The following HSPG2 variants were observed in gnomAD, a reference collection of about 807,000 sequenced individuals.
The protein encoded by HSPG2 is heparan sulfate proteoglycan 2.
A neutral mutation model predicts 526.6 loss-of-function variants in HSPG2; 278 were observed. The ratio of observed to expected loss-of-function variants is 0.53; its 90% CI spans 0.48 to 0.58. The LOEUF (loss-of-function observed/expected upper bound fraction) is 0.58, where lower values mean the gene tolerates loss of function less well. HSPG2 is among the 20% of genes least tolerant of loss of function. The pLI, the probability that HSPG2 is intolerant of heterozygous loss-of-function variation, is 0.00. For missense variants in HSPG2, 5,354 were observed against 6,099.5 expected, an observed-to-expected ratio of 0.88 and a Z score of 4.07; for synonymous variants, 2,465 against 2,555.4, an observed-to-expected ratio of 0.96 and a Z score of 1.07.
intron 1 of HSPG2, among the ~76,000 whole-genome samples, chr1:21,935,623 T>C (rs1185664729): frequency 2.0e-5 from 3 of 152,218 alleles, no homozygotes; most frequent in African/African-American, 4.8e-5. Context: ...AAATTCCTCA[T>C]GCACACAGCA....
intron 84 of HSPG2, 44 bp from the exon 85 acceptor site, chr1:21,831,134 C>T (rs748717962): frequency 1.2e-6 from 2 of 1,602,374 alleles, no homozygotes; most frequent in South Asian, 1.1e-5. Flanking sequence ...CATTCAGTAC[C>T]CCCCATAATC....
intron 22 of HSPG2, 32 bp from the exon 23 acceptor site, chr1:21,876,437 C>T: frequency 6.2e-7 from 1 of 1,610,874 alleles, no homozygotes; most frequent in South Asian, 1.1e-5. Flanking sequence ...GGGATGGGGG[C>T]CGTGGCCTGG....
rs1251550877 is a variant in HSPG2 at position 21,822,382 on chromosome 1, G to T, written c.*934C>A. 1 of 681,802 alleles carries T rather than the reference G, an allele frequency of 1.5e-6. No individual in the cohort carries two copies. Among genetic ancestry groups the T allele is most frequent in the South Asian group, 1.7e-5 (1 of 58,622 alleles). 42.2% of individuals were successfully genotyped at this position (681,802 alleles called of 1,614,324 possible). On this transcript the variant is annotated 3_prime_UTR_variant, in exon 97 of 97. Transcript: ENST00000374695. ...GATGGCACTTGAGCTGGATCTTCAG[G>T]CTCCTGCAGATGGGGCAGGGTGGTC...
chr1:21,925,852 C>A (rs1048232342), intron 1 of HSPG2, among the ~76,000 whole-genome samples: 8 of 152,078 alleles, frequency 5.3e-5, no homozygotes, highest in Admixed American at 5.2e-4. Context: ...AAGGGCCAGC[C>A]ATTCCCTCTA....
At chr1:21,849,603 C>A (rs1051669178) in intron 57 of HSPG2, among the ~76,000 whole-genome samples, 2 of 152,098 alleles carry the variant, frequency 1.3e-5, no homozygotes, top group African/African-American at 4.8e-5. Context: ...AATCAAGTGA[C>A]AAGTGACTGG....
intron 13 of HSPG2, among the ~76,000 whole-genome samples, chr1:21,882,235 T>C (rs962321289): frequency 5.3e-5 from 8 of 152,084 alleles, no homozygotes; most frequent in African/African-American, 1.9e-4. Context: ...AGTCCAGGTG[T>C]GTTGTAAGCC....
At chr1:21,927,536 C>A (rs1002088655) in intron 1 of HSPG2, among the ~76,000 whole-genome samples, 1 of 152,040 alleles carries the variant, frequency 6.6e-6, no homozygotes, top group Admixed American at 6.5e-5. Context: ...ATCCCCCACC[C>A]CCCCCACTGT....
intron 49 of HSPG2, 116 bp downstream of exon 49, chr1:21,854,495 T>G: frequency 1.4e-6 from 2 of 1,455,320 alleles, no homozygotes; most frequent in Non-Finnish European, 1.9e-6. Context: ...AGGCCTGGCT[T>G]CTGCTGGTGG....
Position 21,857,365 on chromosome 1 carries a change from T to A in HSPG2, c.5314A>T (p.Thr1772Ser). Residue 1772 changes from threonine (T) to serine (S), a missense_variant, in exon 43 of 97, where the codon ACA becomes TCA. Transcript: ENST00000374695. ...CTCCGCTGCTCCTCCACAGTCACTG[T>A]GATGGGCTTGCTTGGAGCCTCTGCA... ...LVTEAPSKPI[T>S]VTVEEQRSQS... 1 of 1,613,960 alleles carries A rather than the reference T, an allele frequency of 6.2e-7. No homozygotes were observed. The highest frequency in any genetic ancestry group is 8.5e-7 in the Non-Finnish European group (1 of 1,180,012).
At chr1:21,829,638 G>C (rs1215286975) in intron 86 of HSPG2, 34 bp from the exon 87 acceptor site, 1 of 1,564,914 alleles carries the variant, frequency 6.4e-7, no homozygotes. Context: ...AGGCAGTGGG[G>C]ATCCTGGACC....
chr1:21,932,257 T>A (rs1018549970), intron 1 of HSPG2, among the ~76,000 whole-genome samples: 10 of 152,304 alleles, frequency 6.6e-5, no homozygotes, highest in Admixed American at 3.9e-4. Context: ...ATCTACTGAC[T>A]GCCCACGACA....
At chr1:21,923,378 C>A (rs1006104743) in intron 1 of HSPG2, among the ~76,000 whole-genome samples, 2 of 152,018 alleles carry the variant, frequency 1.3e-5, no homozygotes, top group African/African-American at 4.8e-5. Context: ...TGCACCCCAG[C>A]CTGGGCGACA....
chr1:21,823,650 G>T lies in HSPG2; in HGVS notation c.12969C>A (p.Asn4323Lys). The T allele has an allele frequency of 6.2e-7, 1 of 1,613,774 alleles. No individual in the cohort carries two copies. Among genetic ancestry groups the T allele is most frequent in the Non-Finnish European group, 8.5e-7 (1 of 1,179,986 alleles). Residue 4323 changes from asparagine to lysine, a missense_variant, in exon 96 of 97, where the codon AAC becomes AAA. Transcript: ENST00000374695. The stretch of plus-strand genomic sequence containing the variant: ...CGCTGCCCTTGGCGTTGACTGCCAC[G>T]TTGGGACCTGGGGACCGGCCGCTGA... ...ELVSGRSPGP[N>K]VAVNAKGSVY...
chr1:21,884,434 T>C (rs1641722848), intron 13 of HSPG2, 94 bp downstream of exon 13: 1 of 1,520,690 alleles, frequency 6.6e-7, no homozygotes, highest in Non-Finnish European at 9.1e-7. Context: ...TCCCGAAACC[T>C]GGCCCCCTCT....
intron 85 of HSPG2, 143 bp downstream of exon 85, chr1:21,830,839 T>A (rs1234815128): frequency 9.2e-6 from 6 of 651,904 alleles, no homozygotes; most frequent in South Asian, 7.0e-5. Flanking sequence ...GGGGGATGGG[T>A]ACATGGGAGG....
intron 1 of HSPG2, 67 bp downstream of exon 1, chr1:21,937,088 C>G (rs1387620880): frequency 1.9e-6 from 1 of 534,924 alleles, no homozygotes; most frequent in Non-Finnish European, 2.5e-6. Context: ...CGGGAGGCGG[C>G]GAGCGGGACC....
chr1:21,865,303 G>A lies in HSPG2; in HGVS notation c.4377C>T (p.Tyr1459=), dbSNP rs779605727. The A allele has an allele frequency of 2.0e-5, 32 of 1,614,076 alleles. No homozygotes were observed. The highest frequency in any genetic ancestry group is 3.3e-5 in the South Asian group (3 of 91,078). Residue 1459 remains tyrosine, a synonymous_variant, in exon 35 of 97, where the codon TAC becomes TAT. Transcript: ENST00000374695. The surrounding 1 kb of genome is among the most constrained non-coding windows in gnomAD (Gnocchi z 5.4). ...CCCTTACCTCTCGGAACATGATCTC[G>A]TAGCTCCTCCTCTCAGGGCCCTGCA... ...PALQGPERRS[Y]EIMFREEFWR...
At chr1:21,915,198 G>GTGCTCAC in intron 1 of HSPG2, among the ~76,000 whole-genome samples, 1 of 152,138 alleles carries the variant, frequency 6.6e-6, no homozygotes, top group Non-Finnish European at 1.5e-5. Context: ...AGCGGGCAGG[G>GTGCTCAC]TGCCCCCGTC....
At position 21,895,795 on chromosome 1, in the gene HSPG2, G is replaced by T; in HGVS notation, c.244+127C>A. The T allele has an allele frequency of 1.2e-6, 1 of 863,676 alleles. No individual in the cohort carries two copies. The highest frequency in any genetic ancestry group is 1.9e-6 in the Non-Finnish European group (1 of 514,068). The allele number at this position is 863,676 out of a possible 1,614,324, so 53.5% of individuals were successfully genotyped here. On this transcript the variant is annotated intron_variant, in intron 3 of 96. Transcript: ENST00000374695. The surrounding 1 kb of genome is among the most constrained non-coding windows in gnomAD (Gnocchi z 4.1). ...ACAACTGTCACTCAGCAGGTTAAGA[G>T]ATCACACCCACTTCTTCTTGCTTTG...
Sources: allele counts gnomAD v4.1 joint callset (sites outside exome capture counted in the v4.1 genomes callset), GRCh38; gene constraint gnomAD v4.1.1; non-coding constraint Gnocchi (gnomAD v3.1); transcripts MANE v1.5; gene names NCBI Gene and HGNC (gene_info 2026-07-23, HGNC 2026-07-21).